Variants in ARK2C observed in about 807,000 individuals in gnomAD.
The protein encoded by ARK2C is arkadia (RNF111) C-terminal like ring finger ubiquitin ligase 2C.
chr18:46,437,247 C>T, the ARK2C span, among the ~76,000 whole-genome samples: 1 of 151,904 alleles, frequency 6.6e-6, no homozygotes, highest in African/African-American at 2.4e-5. Context: ...GATGCTGATT[C>T]TCCTCCCTTG....
At chr18:46,462,658 T>G in the ARK2C span, 1 of 152,650 alleles carries the variant, frequency 6.6e-6, no homozygotes, top group South Asian at 2.1e-4. Flanking sequence ...ACCACACTGC[T>G]GGGCCTGGCA....
the ARK2C span, among the ~76,000 whole-genome samples, chr18:46,346,808 A>G: frequency 6.6e-6 from 1 of 152,154 alleles, no homozygotes; most frequent in Non-Finnish European, 1.5e-5. Context: ...GGCCTGGGAC[A>G]GTTTTAGGGG....
the ARK2C span, among the ~76,000 whole-genome samples, chr18:46,379,093 G>T: frequency 6.6e-6 from 1 of 152,238 alleles, no homozygotes; most frequent in Admixed American, 6.5e-5. Context: ...GGCAATGAAG[G>T]AAAGGGAAGG....
At chr18:46,422,991 G>A in the ARK2C span, among the ~76,000 whole-genome samples, 7 of 152,164 alleles carry the variant, frequency 4.6e-5, no homozygotes, top group Non-Finnish European at 1.0e-4. Context: ...TGTTCCTAGT[G>A]TCAGATTACT....
the ARK2C span, among the ~76,000 whole-genome samples, chr18:46,451,940 TC>T: frequency 6.6e-6 from 1 of 152,220 alleles, no homozygotes; most frequent in South Asian, 2.1e-4. Flanking sequence ...TATATAACAT[TC>T]TAGAAAAGGC....
chr18:46,339,822 T>C, the ARK2C span, among the ~76,000 whole-genome samples: 1 of 152,254 alleles, frequency 6.6e-6, no homozygotes, highest in Non-Finnish European at 1.5e-5. Flanking sequence ...GAGGCCCTAA[T>C]GTGCAAATGT....
chr18:46,432,159 C>A, the ARK2C span, among the ~76,000 whole-genome samples: 1 of 152,156 alleles, frequency 6.6e-6, no homozygotes, highest in Non-Finnish European at 1.5e-5. Context: ...TTCTTGGCCT[C>A]ATTAAAGGCC....
the ARK2C span, among the ~76,000 whole-genome samples, chr18:46,373,919 C>T: frequency 2.0e-5 from 3 of 150,890 alleles, no homozygotes; most frequent in Non-Finnish European, 4.4e-5. Flanking sequence ...TGCCTGTTTT[C>T]CCAGAAGCAG....
chr18:46,445,046 T>G, the ARK2C span, among the ~76,000 whole-genome samples: 1 of 152,186 alleles, frequency 6.6e-6, no homozygotes, highest in East Asian at 1.9e-4. Context: ...ATGGATCGAT[T>G]TTTCACCTGA....
At chr18:46,346,051 G>C in the ARK2C span, among the ~76,000 whole-genome samples, 1 of 152,308 alleles carries the variant, frequency 6.6e-6, no homozygotes, top group African/African-American at 2.4e-5. Flanking sequence ...AGTGGCACGA[G>C]CTATGGCAGC....
At chr18:46,405,493 T>G in the ARK2C span, among the ~76,000 whole-genome samples, 1 of 150,212 alleles carries the variant, frequency 6.7e-6, no homozygotes, top group African/African-American at 2.5e-5. Context: ...TAGGATGGAG[T>G]GGTGGGTGGG....
the ARK2C span, among the ~76,000 whole-genome samples, chr18:46,414,527 A>G: frequency 6.6e-6 from 1 of 152,242 alleles, no homozygotes; most frequent in Non-Finnish European, 1.5e-5. Context: ...ATCCATGAAT[A>G]GACATATACC....
At chr18:46,425,582 G>C in the ARK2C span, among the ~76,000 whole-genome samples, 5 of 152,170 alleles carry the variant, frequency 3.3e-5, no homozygotes, top group African/African-American at 1.2e-4. Context: ...AGGACCTCCA[G>C]CTCGGGAGTC....
chr18:46,353,314 G>T, the ARK2C span, among the ~76,000 whole-genome samples: 10 of 152,194 alleles, frequency 6.6e-5, no homozygotes, highest in Admixed American at 5.2e-4. Flanking sequence ...GAGAGACGGG[G>T]ATGTCATCGT....
the ARK2C span, chr18:46,335,865 CT>C: frequency 4.8e-5 from 47 of 971,614 alleles, no homozygotes; most frequent in East Asian, 5.7e-4. Flanking sequence ...TTTATCAAAT[CT>C]TTTTTTTTCT....
At chr18:46,433,513 C>CT in the ARK2C span, 1 of 1,588,236 alleles carries the variant, frequency 6.3e-7, no homozygotes, top group Non-Finnish European at 8.6e-7. Flanking sequence ...CAGGTTGGTG[C>CT]TGCCTGGGGC....
the ARK2C span, chr18:46,460,492 T>C: frequency 1.3e-5 from 2 of 152,500 alleles, no homozygotes; most frequent in Non-Finnish European, 2.9e-5. Flanking sequence ...ATATCGTGGG[T>C]TCTTATTTAA....
the ARK2C span, among the ~76,000 whole-genome samples, chr18:46,441,743 C>A: frequency 1.3e-5 from 2 of 150,708 alleles, no homozygotes; most frequent in African/African-American, 4.9e-5. Context: ...AAAAAATTAG[C>A]CAGGTGCAGT....
chr18:46,361,178 T>C, the ARK2C span, among the ~76,000 whole-genome samples: 1 of 152,124 alleles, frequency 6.6e-6, no homozygotes, highest in South Asian at 2.1e-4. Context: ...TAATACCTTT[T>C]GAAACTCCTT....
Sources: allele counts gnomAD v4.1 joint callset (sites outside exome capture counted in the v4.1 genomes callset), GRCh38; gene constraint gnomAD v4.1.1; transcripts MANE v1.5; gene names NCBI Gene and HGNC (gene_info 2026-07-23, HGNC 2026-07-21).